The following SYNPO2 variants were observed in gnomAD, a reference collection of about 807,000 sequenced individuals.
The protein encoded by SYNPO2 is synaptopodin 2.
SYNPO2 carries 56 observed loss-of-function variants against 85.0 expected under a neutral mutation model. The ratio of observed to expected loss-of-function variants is 0.66; its 90% confidence interval spans 0.53 to 0.82. The LOEUF is 0.82. Ranked by LOEUF, SYNPO2 falls within the 40% of genes least tolerant of loss-of-function variation. The pLI is 0.00. For synonymous variants in SYNPO2, 602 were observed against 591.1 expected, an observed-to-expected ratio of 1.02 and a Z score of -0.27; for missense variants, 1,575 against 1,534.2, an observed-to-expected ratio of 1.03 and a Z score of -0.44.
intron 1 of SYNPO2, among the ~76,000 whole-genome samples, chr4:118,880,746 CAAAAAA>C (rs11348298): frequency 1.5e-5 from 2 of 131,788 alleles, no homozygotes; most frequent in Non-Finnish European, 3.2e-5. Flanking sequence ...GACTCTGTCC[CAAAAAA>C]AAAAAAAAAA....
chr4:119,033,534 T>C, intron 4 of SYNPO2: 3 of 985,410 alleles, frequency 3.0e-6, no homozygotes, highest in Non-Finnish European at 3.6e-6. Context: ...CTATAAAGCA[T>C]TTATGACAGC....
rs1049475650 is a variant in SYNPO2, at chr4:119,031,123, G to C, written c.2348G>C (p.Gly783Ala). 1.2e-6 allele frequency: 2 copies of C among 1,613,896 alleles called. No individual in the cohort carries two copies. Among genetic ancestry groups the C allele is most frequent in the Middle Eastern group, 1.6e-4 (1 of 6,084 alleles). ...CCAGTTTCCCCAGTCTGGTCTCCAG[G>C]AGTGGCTCCCACCCAACCTCCTGCC... ...VTPVSPVWSP[G>A]VAPTQPPAFP... is the part of the protein sequence containing the mutation. Residue 783 changes from glycine (G) to alanine (A), a missense_variant, in exon 4 of 5, where the codon GGA becomes GCA. Transcript: ENST00000307142.
intron 1 of SYNPO2, among the ~76,000 whole-genome samples, chr4:118,988,593 G>A (rs909246530): frequency 1.1e-4 from 16 of 152,106 alleles, no homozygotes; most frequent in African/African-American, 3.9e-4. Context: ...CTTTACCTAC[G>A]AGTTATTCTG....
At chr4:118,876,926 G>A (rs1385171019) in intron 1 of SYNPO2, among the ~76,000 whole-genome samples, 1 of 151,644 alleles carries the variant, frequency 6.6e-6, no homozygotes, top group East Asian at 1.9e-4. Context: ...GAGTAGCTGG[G>A]ACTATAGGTA....
chr4:118,943,543 C>T lies in SYNPO2; in HGVS notation c.105+54402C>T, dbSNP rs181495376. On this transcript the variant is annotated intron_variant, in intron 1 of 4. Coordinates refer to ENST00000307142, the MANE Select transcript of SYNPO2 (RefSeq NM_133477.3). Reference sequence around the variant, plus strand: ...TTAAAATTTGAGTTGTTTTTTCATGCTAACATGCTGCCGTTGATCAAAGAG... The same window carrying T: ...TTAAAATTTGAGTTGTTTTTTCATGTTAACATGCTGCCGTTGATCAAAGAG... 1.8e-4 allele frequency among the ~76,000 whole-genome samples: 27 copies of T among 152,338 alleles called. No homozygotes were observed. In the East Asian group the frequency reaches 3.7e-3, roughly 21 times the overall value.
intron 1 of SYNPO2, among the ~76,000 whole-genome samples, chr4:118,982,192 T>G (rs1230730452): frequency 6.6e-6 from 1 of 152,068 alleles, no homozygotes; most frequent in Non-Finnish European, 1.5e-5. Context: ...CAGAATTGCT[T>G]GAGGCAGGCG....
At chr4:118,891,387 T>C (rs1732376223) in intron 1 of SYNPO2, among the ~76,000 whole-genome samples, 1 of 152,210 alleles carries the variant, frequency 6.6e-6, no homozygotes, top group Non-Finnish European at 1.5e-5. Context: ...GTCTACCTTT[T>C]GTCCATACGT....
chr4:119,008,592 T>C (rs772402231), intron 1 of SYNPO2, among the ~76,000 whole-genome samples: 1 of 152,176 alleles, frequency 6.6e-6, no homozygotes, highest in Non-Finnish European at 1.5e-5. Context: ...GATGTTTTCA[T>C]TGAAATCCAA....
At chr4:119,035,155 C>T in intron 4 of SYNPO2, 1 of 985,436 alleles carries the variant, frequency 1.0e-6, no homozygotes, top group Non-Finnish European at 1.2e-6. Flanking sequence ...TGAAAAAGGT[C>T]ATTACAGTCA....
At chr4:118,930,751 CAAAAAAAA>C (rs3051232) in intron 1 of SYNPO2, among the ~76,000 whole-genome samples, 1 of 119,992 alleles carries the variant, frequency 8.3e-6, no homozygotes, top group African/African-American at 3.3e-5. Flanking sequence ...CCCATATCTA[CAAAAAAAA>C]AAAAAAAAAA....
chr4:118,955,547 A>G (rs77722436), intron 1 of SYNPO2, among the ~76,000 whole-genome samples: 7,883 of 152,276 alleles, frequency 0.052, 261 homozygotes, highest in Middle Eastern at 0.15. Flanking sequence ...TGGGCCTTCT[A>G]AAGTGGCAGA....
At chr4:118,882,879 C>T (rs1732131965) in intron 1 of SYNPO2, among the ~76,000 whole-genome samples, 1 of 151,884 alleles carries the variant, frequency 6.6e-6, no homozygotes, top group Non-Finnish European at 1.5e-5. Context: ...ATGCCATTCT[C>T]CTGCCTCAAC....
At position 119,031,191 on chromosome 4, in the gene SYNPO2, A is replaced by G. The variant is rs771186840; in HGVS notation, c.2416A>G (p.Ile806Val). ...NPSKGTVVSS[I>V]KIAQPSYPPA... Reference sequence around the variant, plus strand: ...ATCAAAGGGCACCGTTGTCTCCTCCATCAAAATAGCCCAGCCTTCTTACCC... The same window carrying G: ...ATCAAAGGGCACCGTTGTCTCCTCCGTCAAAATAGCCCAGCCTTCTTACCC... Residue 806 changes from isoleucine (I) to valine (V), a missense_variant, in exon 4 of 5, where the codon ATC (isoleucine) becomes GTC (valine). Coordinates refer to ENST00000307142, the MANE Select transcript of SYNPO2 (RefSeq NM_133477.3). 29 of 1,613,916 alleles carry G rather than the reference A, an allele frequency of 1.8e-5. No homozygotes were observed. The highest frequency in any genetic ancestry group is 1.7e-6 in the Non-Finnish European group (2 of 1,180,010).
chr4:118,978,791 TGACACACACACACA>T (rs1237135777), intron 1 of SYNPO2, among the ~76,000 whole-genome samples: 3 of 69,684 alleles, frequency 4.3e-5, no homozygotes, highest in Non-Finnish European at 8.8e-5. Context: ...ACTCCTGCCA[TGACACACACACACA>T]CACACACACA....
chr4:118,963,032 G>A (rs183974535), intron 1 of SYNPO2, among the ~76,000 whole-genome samples: 264 of 152,246 alleles, frequency 1.7e-3, no homozygotes, highest in African/African-American at 6.1e-3. Flanking sequence ...GGGAAGGAGA[G>A]GTCATTTTTC....
intron 1 of SYNPO2, among the ~76,000 whole-genome samples, chr4:118,985,210 G>T (rs185516799): frequency 6.4e-4 from 98 of 152,286 alleles, no homozygotes; most frequent in African/African-American, 2.2e-3. Flanking sequence ...GAAGGTTGTA[G>T]AGGCAGATAA....
At chr4:118,887,671 T>G (rs534782537), upstream of SYNPO2, among the ~76,000 whole-genome samples, 152 of 152,356 alleles carry the variant, frequency 1.0e-3, no homozygotes, top group African/African-American at 3.6e-3. Context: ...AAAAGTTTGG[T>G]GATGTCTTTG....
At chr4:119,022,762 ATATTTTATTTTATTT>A (rs201911177) in intron 1 of SYNPO2, among the ~76,000 whole-genome samples, 6,372 of 109,684 alleles carry the variant, frequency 0.058, 336 homozygotes, top group East Asian at 0.15. Context: ...ATTTTATTTT[ATATTTTATTTTATTT>A]TATTTTATTT....
Position 119,058,242 on chromosome 4 carries a change from C to T in SYNPO2, c.*308C>T. On this transcript the variant is annotated 3_prime_UTR_variant, in exon 5 of 5. Coordinates refer to ENST00000307142, the MANE Select transcript of SYNPO2 (RefSeq NM_133477.3). ...TATATGTAATTCATAATTTTGATTC[C>T]ATTAATAGGTAGTCTATGCAACAAA... 1 of 194,934 alleles carries T rather than the reference C, an allele frequency of 5.1e-6. No individual in the cohort carries two copies. Among genetic ancestry groups the T allele is most frequent in the South Asian group, 1.2e-4 (1 of 8,586 alleles). The allele number at this position is 194,934 out of a possible 1,614,324, so 12.1% of individuals were successfully genotyped here.
Sources: gnomAD v4.1 joint callset for allele counts (sites outside exome capture counted in the v4.1 genomes callset) on GRCh38, gnomAD v4.1.1 for gene constraint, MANE v1.5 for transcripts, NCBI Gene and HGNC (gene_info 2026-07-23, HGNC 2026-07-21) for gene names.